The following NXNL2 variants were observed in gnomAD, a reference collection of about 807,000 sequenced individuals.
The protein encoded by NXNL2 is nucleoredoxin like 2.
NXNL2 carries 7 observed loss-of-function variants against 11.1 expected under a neutral mutation model. The observed-to-expected ratio is 0.63, with a 90% CI of 0.36 to 1.18. NXNL2 has a LOEUF of 1.18. Ranked by LOEUF, NXNL2 falls within the 50% of genes most tolerant of loss-of-function variation. NXNL2 has a pLI of 0.02. For missense variants in NXNL2, 233 were observed against 217.7 expected (o/e 1.07, Z -0.44); for synonymous variants, 109 against 101.8 (o/e 1.07, Z -0.42).
intron 1 of NXNL2, among the ~76,000 whole-genome samples, chr9:88,563,166 C>A (rs7048828): frequency 0.032 from 4,879 of 152,182 alleles, 280 homozygotes; most frequent in African/African-American, 0.11. Flanking sequence ...AGAGATAGAC[C>A]GACTTGATTC....
At chr9:88,579,033 T>G (rs376324412), downstream of NXNL2, among the ~76,000 whole-genome samples, 50 of 152,304 alleles carry the variant, frequency 3.3e-4, no homozygotes, top group South Asian at 9.9e-3. Context: ...AGTCTCGATT[T>G]CTTGCTGATT....
At chr9:88,568,568 G>T (rs1215931141) in intron 1 of NXNL2, among the ~76,000 whole-genome samples, 2 of 152,316 alleles carry the variant, frequency 1.3e-5, no homozygotes, top group South Asian at 2.1e-4. Flanking sequence ...CCATATTTAT[G>T]TTTATACTTG....
At chr9:88,545,873 T>A (rs542157333), downstream of NXNL2, among the ~76,000 whole-genome samples, 1 of 152,240 alleles carries the variant, frequency 6.6e-6, no homozygotes, top group South Asian at 2.1e-4. Flanking sequence ...TTCAAGTGAT[T>A]CTCTTGTCTC....
intron 1 of NXNL2, among the ~76,000 whole-genome samples, chr9:88,542,888 A>C (rs1829789012): frequency 1.3e-5 from 2 of 152,140 alleles, no homozygotes; most frequent in Admixed American, 6.5e-5. Context: ...AGGGTCTCAA[A>C]TGGGTTTTTC....
In NXNL2 at chr9:88,535,337, G is replaced by A; in HGVS notation, c.-98G>A. On this transcript the variant is annotated 5_prime_UTR_variant, in exon 1 of 2. Coordinates refer to ENST00000375854, the MANE Select transcript of NXNL2 (RefSeq NM_001161625.2). ...GAGAGGTCCAGCGCCCGGTGGTGCGGACAGAGGCGGGGCACCGCGGCGCTC... is the reference window on the plus strand; with the variant it reads ...GAGAGGTCCAGCGCCCGGTGGTGCGAACAGAGGCGGGGCACCGCGGCGCTC... 1 of 1,271,480 alleles carries A rather than the reference G, an allele frequency of 7.9e-7. No individual in the cohort carries two copies. Among genetic ancestry groups the A allele is most frequent in the Non-Finnish European group, 1.1e-6 (1 of 945,158 alleles). The allele number at this position is 1,271,480 out of a possible 1,614,324, so 78.8% of individuals were successfully genotyped here.
At chr9:88,545,806 G>T (rs1007557551), downstream of NXNL2, among the ~76,000 whole-genome samples, 4 of 151,080 alleles carry the variant, frequency 2.6e-5, no homozygotes, top group Non-Finnish European at 4.4e-5. Flanking sequence ...CACTCTTGTT[G>T]CCCAGCCTGG....
chr9:88,548,401 T>C (rs113198188), downstream of NXNL2, among the ~76,000 whole-genome samples: 12,518 of 121,856 alleles, frequency 0.1, 1,935 homozygotes, highest in African/African-American at 0.34. Context: ...CTGTAGCTCA[T>C]GCCTGTAATC....
chr9:88,583,576 G>C (rs1830431784), intron 1 of NXNL2, among the ~76,000 whole-genome samples: 2 of 152,206 alleles, frequency 1.3e-5, no homozygotes, highest in African/African-American at 4.8e-5. Context: ...GGATGGTGCT[G>C]AGATTGTGCT....
downstream of NXNL2, among the ~76,000 whole-genome samples, chr9:88,546,637 A>G (rs1829849765): frequency 6.6e-6 from 1 of 151,346 alleles, no homozygotes; most frequent in African/African-American, 2.4e-5. Context: ...CTGGTCTCGA[A>G]CTCCTGACCT....
intron 1 of NXNL2, among the ~76,000 whole-genome samples, chr9:88,539,458 G>A (rs12684502): frequency 0.12 from 18,704 of 152,102 alleles, 2,653 homozygotes; most frequent in East Asian, 0.75. Context: ...CCAGGTTCCT[G>A]AGATAACAGA....
chr9:88,561,301 G>GACTCCA (rs1830082322), intron 1 of NXNL2, among the ~76,000 whole-genome samples: 2 of 152,162 alleles, frequency 1.3e-5, no homozygotes, highest in Non-Finnish European at 2.9e-5. Context: ...CTTCAGTTTA[G>GACTCCA]GGACCCGGAC....
intron 2 of NXNL2, among the ~76,000 whole-genome samples, chr9:88,571,475 A>T (rs78289831): frequency 0.012 from 1,821 of 152,284 alleles, 35 homozygotes; most frequent in African/African-American, 0.041. Flanking sequence ...GAAAATCTTA[A>T]ATACCTTATT....
chr9:88,552,782 T>G (rs534975743), intron 1 of NXNL2, among the ~76,000 whole-genome samples: 1 of 152,328 alleles, frequency 6.6e-6, no homozygotes, highest in South Asian at 2.1e-4. Flanking sequence ...CATGCATTCT[T>G]AACCTTTATA....
At position 88,535,255 on chromosome 9, in the gene NXNL2, T is replaced by A; in HGVS notation, c.-180T>A. The A allele has an allele frequency of 1.7e-6, 1 of 592,974 alleles. No individual in the cohort carries two copies. Among genetic ancestry groups the A allele is most frequent in the South Asian group, 2.1e-5 (1 of 47,372 alleles). 36.7% of individuals were successfully genotyped at this position (592,974 alleles called of 1,614,324 possible). On this transcript the variant is annotated 5_prime_UTR_variant, in exon 1 of 2. The change creates a new upstream start codon in the 5' untranslated region. Coordinates refer to ENST00000375854, the MANE Select transcript of NXNL2 (RefSeq NM_001161625.2). ...TGTCTCATTGTCGGCGCGAACACAA[T>A]TGCTCCAGCCACAGGCGAGGCCTGG...
downstream of NXNL2, among the ~76,000 whole-genome samples, chr9:88,578,618 C>T (rs954303348): frequency 6.6e-6 from 1 of 152,246 alleles, no homozygotes; most frequent in African/African-American, 2.4e-5. Flanking sequence ...TCCGGCTGGT[C>T]AGCCAGGAGC....
downstream of NXNL2, among the ~76,000 whole-genome samples, chr9:88,577,623 A>AAGAGAGAGAG (rs5899044): frequency 4.9e-3 from 730 of 149,490 alleles, 2 homozygotes; most frequent in Admixed American, 9.5e-3. Context: ...TGGAGAGAGA[A>AAGAGAGAGAG]AGAGAGAGAG....
downstream of NXNL2, among the ~76,000 whole-genome samples, chr9:88,576,340 C>T (rs572219939): frequency 1.1e-4 from 16 of 152,356 alleles, no homozygotes; most frequent in East Asian, 2.9e-3. Flanking sequence ...ATACCTGGTT[C>T]AACAGGTGGC....
chr9:88,579,056 T>C (rs1830380342), downstream of NXNL2, among the ~76,000 whole-genome samples: 1 of 152,202 alleles, frequency 6.6e-6, no homozygotes, highest in South Asian at 2.1e-4. Context: ...GTGGGTGGGT[T>C]GTCAGAACAC....
chr9:88,546,176 T>A (rs534885359), downstream of NXNL2, among the ~76,000 whole-genome samples: 116 of 151,040 alleles, frequency 7.7e-4, no homozygotes, highest in Middle Eastern at 0.014. Flanking sequence ...TGTGTGTGTG[T>A]GAGAACCACA....
Sources: allele counts gnomAD v4.1 joint callset (sites outside exome capture counted in the v4.1 genomes callset), GRCh38; gene constraint gnomAD v4.1.1; transcripts MANE v1.5; gene names NCBI Gene and HGNC (gene_info 2026-07-23, HGNC 2026-07-21).